Variants in CFAP57 observed in about 807,000 individuals in gnomAD.
CFAP57 encodes the protein cilia and flagella associated protein 57, also known as cilia- and flagella-associated protein 57.
CFAP57 carries 116 observed loss-of-function variants against 146.8 expected under a neutral mutation model. The ratio of observed to expected loss-of-function variants is 0.79; its 90% CI spans 0.68 to 0.92. The LOEUF (loss-of-function observed/expected upper bound fraction) is 0.92. CFAP57 is among the 40% of genes least tolerant of loss of function. The pLI, the probability that CFAP57 is intolerant of heterozygous loss-of-function variation, is 0.00. For synonymous variants in CFAP57, 518 were observed against 552.8 expected (o/e 0.94, Z 0.88); for missense variants, 1,377 against 1,527.2 (o/e 0.90, Z 1.64).
At chr1:43,188,594 C>T (rs1377905959) in intron 6 of CFAP57, among the ~76,000 whole-genome samples, 2 of 151,996 alleles carry the variant, frequency 1.3e-5, no homozygotes, top group Non-Finnish European at 2.9e-5. Context: ...AGATTTTTTG[C>T]CCATTTAAAA....
chr1:43,180,469 G>A (rs966998147), intron 2 of CFAP57, among the ~76,000 whole-genome samples: 1 of 152,028 alleles, frequency 6.6e-6, no homozygotes, highest in Non-Finnish European at 1.5e-5. Flanking sequence ...CCAGGGCAGG[G>A]AGCGTGAGTG....
intron 12 of CFAP57, among the ~76,000 whole-genome samples, chr1:43,217,822 A>G (rs1022315912): frequency 1.3e-5 from 2 of 150,386 alleles, no homozygotes; most frequent in Non-Finnish European, 2.9e-5. Context: ...AGTCAGCCTG[A>G]TCGGGTTCGA....
chr1:43,220,730 C>T (rs555888294), intron 13 of CFAP57, among the ~76,000 whole-genome samples: 1 of 151,726 alleles, frequency 6.6e-6, no homozygotes, highest in Non-Finnish European at 1.5e-5. Context: ...TCCCTCACCC[C>T]CTAAAGAAAT....
intron 15 of CFAP57, among the ~76,000 whole-genome samples, chr1:43,222,568 G>C (rs753439982): frequency 1.2e-4 from 19 of 152,352 alleles, no homozygotes; most frequent in Non-Finnish European, 2.2e-4. Flanking sequence ...GGGATGGGGT[G>C]TTGGTAAGAT....
chr1:43,214,463 T>C (rs1644758035), intron 11 of CFAP57, among the ~76,000 whole-genome samples: 1 of 152,214 alleles, frequency 6.6e-6, no homozygotes, highest in African/African-American at 2.4e-5. Context: ...TTCCCTTTTA[T>C]TTCTGAGTAG....
chr1:43,194,159 A>AT (rs1384450697), intron 6 of CFAP57, among the ~76,000 whole-genome samples: 1 of 149,494 alleles, frequency 6.7e-6, no homozygotes, highest in Non-Finnish European at 1.5e-5. Flanking sequence ...CTAGCAACAT[A>AT]TTTTTTCAGT....
In CFAP57 at chr1:43,183,753, G is replaced by A. The variant is rs142914910; in HGVS notation, c.637G>A (p.Val213Ile). The A allele has an allele frequency of 1.6e-5, 26 of 1,614,068 alleles. No homozygotes were observed. The African/African-American group carries it at 2.0e-4, about 12-fold the overall frequency. The part of the protein sequence containing the change: ...HTWVADDKIV[V>I]GTDTGKLFLF... ...CTGGGTGGCTGATGACAAGATTGTC[G>A]TTGGCACTGACACAGGCAAACTCTT... Residue 213 changes from valine (V) to isoleucine (I), a missense_variant, in exon 4 of 23, where the codon GTT becomes ATT. Coordinates refer to ENST00000372492, the MANE Select transcript of CFAP57 (RefSeq NM_001378189.1).
At chr1:43,210,096 G>T in intron 11 of CFAP57, 180 bp downstream of exon 11, 2 of 1,613,108 alleles carry the variant, frequency 1.2e-6, no homozygotes, top group Non-Finnish European at 1.7e-6. Context: ...CTACTTCCAG[G>T]AATTTAGCCT....
intron 21 of CFAP57, among the ~76,000 whole-genome samples, chr1:43,236,594 A>AC (rs1645704558): frequency 7.1e-6 from 1 of 140,158 alleles, no homozygotes; most frequent in Non-Finnish European, 1.6e-5. Flanking sequence ...AAGTGCTAAA[A>AC]AAAAAAAAAA....
intron 2 of CFAP57, among the ~76,000 whole-genome samples, chr1:43,178,626 C>T (rs1204015997): frequency 2.6e-5 from 4 of 152,166 alleles, no homozygotes; most frequent in Non-Finnish European, 5.9e-5. Context: ...ATTAAAAAGT[C>T]AGGAAACAAC....
At chr1:43,205,430 G>T (rs1194020509) in intron 9 of CFAP57, among the ~76,000 whole-genome samples, 6 of 152,196 alleles carry the variant, frequency 3.9e-5, no homozygotes, top group African/African-American at 1.4e-4. Flanking sequence ...GCTTTTCCAG[G>T]AGTAACATCC....
At chr1:43,249,391 C>CA (rs1208001879) in intron 22 of CFAP57, among the ~76,000 whole-genome samples, 2 of 142,200 alleles carry the variant, frequency 1.4e-5, no homozygotes, top group South Asian at 4.6e-4. Context: ...CACAATTATA[C>CA]AAAGTTAGTT....
At chr1:43,196,278 T>A (rs570591422) in intron 6 of CFAP57, 1 of 152,596 alleles carries the variant, frequency 6.6e-6, no homozygotes, top group South Asian at 2.1e-4. Context: ...GATTTGAGTG[T>A]GTAAAAGCTA....
rs1324112469 is a variant in CFAP57 at position 43,190,038 on chromosome 1, T to C, written c.1122+3179T>C. On this transcript the variant is annotated intron_variant, in intron 6 of 22. Transcript: ENST00000372492. ...ACATGAGATTTGGAGGAGACAAATA[T>C]CCAAATTTTATCAGCGTTTTTAGTG... Among the ~76,000 whole-genome samples the C allele has an allele frequency of 2.0e-5, 3 of 152,282 alleles. No individual in the cohort carries two copies. The East Asian group carries it at 5.8e-4, about 29-fold the overall frequency.
At chr1:43,248,314 A>T (rs539235886) in intron 22 of CFAP57, among the ~76,000 whole-genome samples, 2 of 145,816 alleles carry the variant, frequency 1.4e-5, no homozygotes, top group East Asian at 2.0e-4. Flanking sequence ...TCATAAAAAA[A>T]TTTTCTTTTT....
At chr1:43,235,037 C>T (rs1314391216) in intron 21 of CFAP57, among the ~76,000 whole-genome samples, 8 of 152,144 alleles carry the variant, frequency 5.3e-5, no homozygotes, top group African/African-American at 1.9e-4. Context: ...GCCACTTTCC[C>T]TTCTCTCTTC....
rs1164534145 is a variant in CFAP57 at position 43,243,284 on chromosome 1, C to T, written c.3463C>T (p.Arg1155Trp). 9.7e-6 allele frequency: 15 copies of T among 1,549,926 alleles called. No homozygotes were observed. The highest frequency in any genetic ancestry group is 2.7e-5 in the African/African-American group (2 of 73,022). ...NELRRELKFT[R>W]SQVYDLEAAL... ...GCTCCGCAGGGAGCTGAAGTTCACT[C>T]GGTCCCAAGTCTATGACCTTGAAGC... Residue 1155 changes from arginine (R) to tryptophan (W), a missense_variant, in exon 22 of 23, where the codon CGG (arginine) becomes TGG (tryptophan). Coordinates refer to ENST00000372492, the MANE Select transcript of CFAP57 (RefSeq NM_001378189.1).
intron 18 of CFAP57, among the ~76,000 whole-genome samples, chr1:43,228,603 G>C (rs1382453692): frequency 6.7e-6 from 1 of 148,942 alleles, no homozygotes; most frequent in Non-Finnish European, 1.5e-5. Context: ...GTATGTCCTT[G>C]TGACAATGAC....
At chr1:43,172,554 G>C in intron 1 of CFAP57, 101 bp downstream of exon 1, 1 of 889,632 alleles carries the variant, frequency 1.1e-6, no homozygotes, top group Non-Finnish European at 1.7e-6. Flanking sequence ...TGGCGCGGAG[G>C]AGGACCCCGG....
Sources: allele counts gnomAD v4.1 joint callset (sites outside exome capture counted in the v4.1 genomes callset), GRCh38; gene constraint gnomAD v4.1.1; transcripts MANE v1.5; gene names NCBI Gene and HGNC (gene_info 2026-07-23, HGNC 2026-07-21).